Variants in GARNL3 observed in about 807,000 individuals in gnomAD.
The protein encoded by GARNL3 is GTPase activating Rap/RanGAP domain like 3.
GARNL3 carries 63 observed loss-of-function variants against 125.0 expected under a neutral mutation model. That is an observed-to-expected ratio of 0.50 (90% CI 0.41 to 0.62). The LOEUF (loss-of-function observed/expected upper bound fraction) is 0.62. Ranked by LOEUF, GARNL3 falls within the 20% of genes least tolerant of loss-of-function variation. The pLI, the probability that GARNL3 is intolerant of heterozygous loss-of-function variation, is 0.00. For synonymous variants in GARNL3, 439 were observed against 457.5 expected, an observed-to-expected ratio of 0.96 and a Z score of 0.52; for missense variants, 994 against 1,244.0, an observed-to-expected ratio of 0.80 and a Z score of 3.02.
rs1382581354 is a variant in GARNL3 at position 127,383,505 on chromosome 9, A to C, written c.2229A>C (p.Ser743=). The C allele has an allele frequency of 4.3e-6, 7 of 1,613,638 alleles. No individual in the cohort carries two copies. The highest frequency in any genetic ancestry group is 5.9e-6 in the Non-Finnish European group (7 of 1,179,860). The part of the protein sequence containing the change: ...GGSFLVQPSA[S]DFQFCWNQAP... ...CTTTTTTGGTTCAACCTTCTGCGTCAGATTTCCAGTTCTGTTGGAACCAGG... is the reference window on the plus strand; with the variant it reads ...CTTTTTTGGTTCAACCTTCTGCGTCCGATTTCCAGTTCTGTTGGAACCAGG... The change falls in exon 23 of 28, where the codon TCA becomes TCC. Residue 743 remains serine (S), a synonymous_variant. Coordinates refer to ENST00000373387, the MANE Select transcript of GARNL3 (RefSeq NM_032293.5).
chr9:127,264,618 C>G (rs968175007), upstream of GARNL3: 11 of 1,110,474 alleles, frequency 9.9e-6, no homozygotes, highest in African/African-American at 1.5e-4. Flanking sequence ...TGCAGGGCTT[C>G]TCTCCTCTCT....
At chr9:127,306,307 A>C (rs1010357495) in intron 2 of GARNL3, among the ~76,000 whole-genome samples, 5 of 152,176 alleles carry the variant, frequency 3.3e-5, no homozygotes, top group African/African-American at 1.2e-4. Flanking sequence ...AATAGGCCAG[A>C]TGTAGTGGCT....
At chr9:127,254,427 C>T (rs931192503) in intron 2 of GARNL3, among the ~76,000 whole-genome samples, 2 of 152,156 alleles carry the variant, frequency 1.3e-5, no homozygotes, top group African/African-American at 4.8e-5. Flanking sequence ...AAACAACTAT[C>T]TGGAAGAAGA....
chr9:127,228,474 T>A (rs2062950389), intron 1 of GARNL3, among the ~76,000 whole-genome samples: 1 of 152,238 alleles, frequency 6.6e-6, no homozygotes, highest in Non-Finnish European at 1.5e-5. Flanking sequence ...CATTATCATT[T>A]ATAAATATTT....
chr9:127,390,235 G>A (rs1045952124), intron 26 of GARNL3, among the ~76,000 whole-genome samples: 1 of 152,170 alleles, frequency 6.6e-6, no homozygotes, highest in African/African-American at 2.4e-5. Flanking sequence ...TTTCAAGTTG[G>A]TGCCTTCTAC....
In GARNL3 at chr9:127,332,258, T is replaced by C; in HGVS notation, c.595-16T>C. 1.2e-6 allele frequency: 2 copies of C among 1,600,470 alleles called. No homozygotes were observed. The highest frequency in any genetic ancestry group is 1.3e-5 in the African/African-American group (1 of 74,740). On this transcript the variant is annotated splice_polypyrimidine_tract_variant and intron_variant, in intron 7 of 27. Coordinates refer to ENST00000373387, the MANE Select transcript of GARNL3 (RefSeq NM_032293.5). ...ATGATAAAATTAACTGTAACACCTTTTGTTATTATCCTAAGGGCTCTGTGA... is the reference window on the plus strand; with the variant it reads ...ATGATAAAATTAACTGTAACACCTTCTGTTATTATCCTAAGGGCTCTGTGA...
intron 2 of GARNL3, among the ~76,000 whole-genome samples, chr9:127,296,464 CTT>C (rs777082855): frequency 5.2e-4 from 45 of 87,100 alleles, no homozygotes; most frequent in African/African-American, 1.8e-3. Context: ...GTAGGCATGA[CTT>C]TTTTTTTTTT....
intron 1 of GARNL3, among the ~76,000 whole-genome samples, chr9:127,285,451 T>C (rs919774900): frequency 6.6e-6 from 1 of 152,204 alleles, no homozygotes; most frequent in South Asian, 2.1e-4. Flanking sequence ...GGTCGGTTTT[T>C]TTAAAGTTTA....
chr9:127,226,258 G>A (rs1433186276), intron 1 of GARNL3, among the ~76,000 whole-genome samples: 1 of 152,246 alleles, frequency 6.6e-6, no homozygotes, highest in Non-Finnish European at 1.5e-5. Flanking sequence ...CCCGCACTGA[G>A]GCCAATAAGA....
chr9:127,261,488 G>A (rs1031778191), upstream of GARNL3, among the ~76,000 whole-genome samples: 11 of 136,740 alleles, frequency 8.0e-5, no homozygotes, highest in East Asian at 1.2e-3. Context: ...TCAGCTTACC[G>A]CAACCTCTGC....
rs111890443 is a variant in GARNL3, at chr9:127,243,865, A to T, written c.143+616A>T. Reference sequence around the variant, plus strand: ...TGTATGATAATACTCGGATGAATGAATAAGTAAATGAATAAAGATGATACA... The same window carrying T: ...TGTATGATAATACTCGGATGAATGATTAAGTAAATGAATAAAGATGATACA... On this transcript the variant is annotated intron_variant, in intron 2 of 10. Coordinates refer to the GARNL3 transcript ENST00000439286. Among the ~76,000 whole-genome samples the T allele has an allele frequency of 6.4e-3, 969 of 152,342 alleles. 6 individuals are homozygous for T. Among genetic ancestry groups the T allele is most frequent in the Non-Finnish European group, 0.011 (760 of 68,016 alleles).
intron 17 of GARNL3, among the ~76,000 whole-genome samples, chr9:127,352,470 C>T (rs1830468132): frequency 2.6e-5 from 4 of 152,120 alleles, no homozygotes; most frequent in Admixed American, 6.6e-5. Flanking sequence ...TGAGGATGAT[C>T]GTCCAGTGTT....
chr9:127,323,640 C>T (rs2065469952), intron 6 of GARNL3, among the ~76,000 whole-genome samples: 1 of 152,118 alleles, frequency 6.6e-6, no homozygotes, highest in South Asian at 2.1e-4. Context: ...GGAGCACTGG[C>T]GTGGGTGTTA....
chr9:127,299,495 G>T (rs972383559), intron 2 of GARNL3, among the ~76,000 whole-genome samples: 1 of 152,126 alleles, frequency 6.6e-6, no homozygotes, highest in Non-Finnish European at 1.5e-5. Flanking sequence ...TGCCTCCCAG[G>T]TTCAAGCGAT....
intron 1 of GARNL3, among the ~76,000 whole-genome samples, chr9:127,231,200 G>A (rs1471294789): frequency 2.1e-5 from 3 of 142,372 alleles, no homozygotes; most frequent in African/African-American, 5.2e-5. Context: ...GACTACAGGC[G>A]CCCGCCACCA....
intron 2 of GARNL3, chr9:127,300,040 G>T: frequency 3.5e-6 from 1 of 284,300 alleles, no homozygotes. Context: ...TCTCCCTTTG[G>T]CCATATCGAG....
intron 4 of GARNL3, among the ~76,000 whole-genome samples, chr9:127,317,623 A>G (rs1284337544): frequency 6.6e-6 from 1 of 152,104 alleles, no homozygotes; most frequent in South Asian, 2.1e-4. Flanking sequence ...AGGCTGAGGC[A>G]GGAGAATCGC....
At chr9:127,310,666 C>T (rs1052924707) in intron 2 of GARNL3, among the ~76,000 whole-genome samples, 2 of 150,832 alleles carry the variant, frequency 1.3e-5, no homozygotes, top group African/African-American at 2.4e-5. Flanking sequence ...CCCTGCTACT[C>T]AGGAGGCTGA....
At chr9:127,260,397 G>A (rs868538430), upstream of GARNL3, among the ~76,000 whole-genome samples, 2 of 152,190 alleles carry the variant, frequency 1.3e-5, no homozygotes, top group South Asian at 4.1e-4. Context: ...TAGGGCCAGG[G>A]AATCTGCATT....
Sources: gnomAD v4.1 joint callset for allele counts (sites outside exome capture counted in the v4.1 genomes callset) on GRCh38, gnomAD v4.1.1 for gene constraint, MANE v1.5 for transcripts, NCBI Gene and HGNC (gene_info 2026-07-23, HGNC 2026-07-21) for gene names.